The following MFHAS1 variants were observed in gnomAD, a reference collection of about 807,000 sequenced individuals.
MFHAS1 encodes multifunctional ROCO family signaling regulator 1.
MFHAS1 carries 50 observed loss-of-function variants against 70.4 expected under a neutral mutation model. That is an observed-to-expected ratio of 0.71 (90% CI 0.57 to 0.90). The LOEUF (loss-of-function observed/expected upper bound fraction) is 0.90. Among genes scored for constraint, MFHAS1 ranks in the 40% least tolerant of loss-of-function variants. The probability of loss-of-function intolerance (pLI) is 0.00; values close to 1 mark genes in which losing one functional copy is unlikely to be tolerated. For missense variants in MFHAS1, 1,795 were observed against 1,347.6 expected, an observed-to-expected ratio of 1.33 and a Z score of -5.20; for synonymous variants, 952 against 620.0, an observed-to-expected ratio of 1.54 and a Z score of -7.96.
chr8:8,834,025 T>A (rs560086257), intron 1 of MFHAS1, among the ~76,000 whole-genome samples: 1 of 151,460 alleles, frequency 6.6e-6, no homozygotes, highest in African/African-American at 2.4e-5. Context: ...ACTCAGGAGG[T>A]TGAGGCATGA....
chr8:8,831,092 T>G (rs1167671333), intron 1 of MFHAS1, among the ~76,000 whole-genome samples: 1 of 151,758 alleles, frequency 6.6e-6, no homozygotes, highest in Non-Finnish European at 1.5e-5. Flanking sequence ...CTCCCTAGCT[T>G]GTAGAATGCT....
rs1041148618 is a variant in MFHAS1 at position 8,784,946 on chromosome 8, G to A, written c.*1076C>T. The A allele has an allele frequency of 6.6e-6, 1 of 152,152 alleles. No homozygotes were observed. Among genetic ancestry groups the A allele is most frequent in the African/African-American group, 2.4e-5 (1 of 41,416 alleles). 9.4% of individuals were successfully genotyped at this position (152,152 alleles called of 1,614,324 possible). A position where few individuals can be genotyped will look rare whatever the true frequency, so the allele number is the denominator to read the frequency against. On this transcript the variant is annotated 3_prime_UTR_variant, in exon 3 of 3. Transcript: ENST00000276282. ...GGCTCTGTATTTATAAATAACCCGTGTGGGATTATGCTCTCCAGTGAATGT... is the reference window on the plus strand; with the variant it reads ...GGCTCTGTATTTATAAATAACCCGTATGGGATTATGCTCTCCAGTGAATGT...
intron 1 of MFHAS1, among the ~76,000 whole-genome samples, chr8:8,848,303 C>T (rs959469349): frequency 1.3e-5 from 2 of 151,932 alleles, no homozygotes; most frequent in African/African-American, 4.8e-5. Flanking sequence ...GGGATTATGA[C>T]TCCAATTTAC....
At chr8:8,805,685 G>C (rs867691463) in intron 1 of MFHAS1, among the ~76,000 whole-genome samples, 1 of 151,960 alleles carries the variant, frequency 6.6e-6, no homozygotes, top group African/African-American at 2.4e-5. Flanking sequence ...TTTGTTTGGA[G>C]GGTTTTTTGT....
intron 1 of MFHAS1, among the ~76,000 whole-genome samples, chr8:8,849,690 G>A (rs1287668837): frequency 3.3e-5 from 5 of 152,174 alleles, no homozygotes; most frequent in Non-Finnish European, 5.9e-5. Context: ...TTGTGGTCAA[G>A]GGAAACTATG....
chr8:8,796,382 C>T (rs1043757677), intron 2 of MFHAS1, among the ~76,000 whole-genome samples: 4 of 152,206 alleles, frequency 2.6e-5, no homozygotes, highest in African/African-American at 9.7e-5. Flanking sequence ...CTTCATTCTG[C>T]AATGACAGAG....
At chr8:8,822,039 C>CTTT (rs1806974939) in intron 1 of MFHAS1, 1 of 152,226 alleles carries the variant, frequency 6.6e-6, no homozygotes, top group Non-Finnish European at 1.5e-5. Flanking sequence ...GAAGCCTGCA[C>CTTT]GAGATGCTAT....
At position 8,785,703 on chromosome 8, in the gene MFHAS1, G is replaced by A. The variant is rs1805515994; in HGVS notation, c.*319C>T. 2.9e-6 allele frequency: 1 copy of A among 344,700 alleles called. No individual in the cohort carries two copies. Among genetic ancestry groups the A allele is most frequent in the Non-Finnish European group, 5.4e-6 (1 of 186,276 alleles). The allele number at this position is 344,700 out of a possible 1,614,324, so 21.4% of individuals were successfully genotyped here. ...TGTACTGTAACTATGGCTTATATGTGCACGGAAAACAAAATCCCTGAGAAG... is the reference window on the plus strand; with the variant it reads ...TGTACTGTAACTATGGCTTATATGTACACGGAAAACAAAATCCCTGAGAAG... On this transcript the variant is annotated 3_prime_UTR_variant, in exon 3 of 3. Coordinates refer to ENST00000276282, the MANE Select transcript of MFHAS1 (RefSeq NM_004225.3).
intron 1 of MFHAS1, among the ~76,000 whole-genome samples, chr8:8,861,903 T>C (rs1186145024): frequency 6.6e-6 from 1 of 152,238 alleles, no homozygotes; most frequent in African/African-American, 2.4e-5. Flanking sequence ...GTTCATCTCT[T>C]TTCCTTGCTA....
chr8:8,792,348 C>T (rs1348384257), intron 2 of MFHAS1, among the ~76,000 whole-genome samples: 1 of 152,122 alleles, frequency 6.6e-6, no homozygotes, highest in Non-Finnish European at 1.5e-5. Context: ...CGCCTGTAAT[C>T]CTAGCACTTT....
At chr8:8,839,382 T>C (rs188121224) in intron 1 of MFHAS1, among the ~76,000 whole-genome samples, 129 of 152,352 alleles carry the variant, frequency 8.5e-4, no homozygotes, top group African/African-American at 3.1e-3. Context: ...CTGTAAAGTG[T>C]TATATATTTG....
intron 1 of MFHAS1, among the ~76,000 whole-genome samples, chr8:8,852,333 G>T (rs1808276821): frequency 2.0e-5 from 3 of 152,136 alleles, no homozygotes; most frequent in African/African-American, 7.2e-5. Flanking sequence ...AATTAGCTGG[G>T]TGTGGTGGCA....
chr8:8,815,963 C>CGAAG (rs1806726392), intron 1 of MFHAS1, among the ~76,000 whole-genome samples: 2 of 152,156 alleles, frequency 1.3e-5, no homozygotes, highest in African/African-American at 2.4e-5. Flanking sequence ...CAATAGACTA[C>CGAAG]TATCTAGGAA....
chr8:8,829,162 G>T (rs1807274931), intron 1 of MFHAS1, among the ~76,000 whole-genome samples: 1 of 152,076 alleles, frequency 6.6e-6, no homozygotes, highest in Non-Finnish European at 1.5e-5. Context: ...CACCTCTCAT[G>T]CCTCTGCTAA....
intron 1 of MFHAS1, among the ~76,000 whole-genome samples, chr8:8,826,167 C>G (rs183411912): frequency 6.6e-6 from 1 of 152,060 alleles, no homozygotes; most frequent in Non-Finnish European, 1.5e-5. Context: ...TTCCTCCTGA[C>G]GGCCAGTCTA....
chr8:8,872,047 A>G (rs1809094585), intron 1 of MFHAS1, among the ~76,000 whole-genome samples: 1 of 152,234 alleles, frequency 6.6e-6, no homozygotes, highest in Admixed American at 6.5e-5. Flanking sequence ...GCTAAGGCAA[A>G]AAGTTATTCA....
At chr8:8,789,486 C>A (rs1166561717) in intron 2 of MFHAS1, among the ~76,000 whole-genome samples, 1 of 152,132 alleles carries the variant, frequency 6.6e-6, no homozygotes, top group East Asian at 1.9e-4. Context: ...TGGGGGGCAC[C>A]CAGCCCCCGA....
chr8:8,826,247 A>AGAGTGTGTGT (rs138177121), intron 1 of MFHAS1, among the ~76,000 whole-genome samples: 1 of 147,774 alleles, frequency 6.8e-6, no homozygotes. Context: ...AAACACAAAG[A>AGAGTGTGTGT]GTGTGTGTGT....
chr8:8,881,255 C>T (rs183604318), intron 1 of MFHAS1, among the ~76,000 whole-genome samples: 1 of 152,248 alleles, frequency 6.6e-6, no homozygotes, highest in African/African-American at 2.4e-5. Flanking sequence ...GGATTTAGTG[C>T]CAAAAATAAA....
Sources: allele counts gnomAD v4.1 joint callset (sites outside exome capture counted in the v4.1 genomes callset), GRCh38; gene constraint gnomAD v4.1.1; transcripts MANE v1.5; gene names NCBI Gene and HGNC (gene_info 2026-07-23, HGNC 2026-07-21).